Variants in TIAM2 observed in about 807,000 individuals in gnomAD.
The protein encoded by TIAM2 is rho guanine nucleotide exchange factor TIAM2.
A neutral mutation model predicts 152.9 loss-of-function variants in TIAM2; 80 were observed. The ratio of observed to expected loss-of-function variants is 0.52; its 90% CI spans 0.44 to 0.63. TIAM2 has a LOEUF of 0.63. Among genes scored for constraint, TIAM2 ranks in the 30% least tolerant of loss-of-function variants. The pLI, the probability that TIAM2 is intolerant of heterozygous loss-of-function variation, is 0.00. For missense variants in TIAM2, 1,965 were observed against 2,120.1 expected (o/e 0.93, Z 1.44); for synonymous variants, 804 against 838.0 (o/e 0.96, Z 0.70).
intron 1 of TIAM2, among the ~76,000 whole-genome samples, chr6:155,023,051 TTTTTTTTTTC>T (rs78365362): frequency 0.5 from 74,525 of 149,380 alleles, 19,234 homozygotes; most frequent in East Asian, 0.57. Flanking sequence ...TGTTTTTTTT[TTTTTTTTTTC>T]CCTTGGCAAG....
intron 1 of TIAM2, among the ~76,000 whole-genome samples, chr6:155,049,131 C>T (rs1343249444): frequency 2.0e-5 from 3 of 152,096 alleles, no homozygotes; most frequent in Non-Finnish European, 4.4e-5. Flanking sequence ...GAGCACGGCC[C>T]CTGTTTAAAC....
chr6:155,166,698 T>C (rs902457218), intron 9 of TIAM2, among the ~76,000 whole-genome samples: 2 of 152,246 alleles, frequency 1.3e-5, no homozygotes, highest in African/African-American at 4.8e-5. Context: ...GTAAATTGTT[T>C]TCAAAACATT....
intron 2 of TIAM2, among the ~76,000 whole-genome samples, chr6:155,116,764 C>T (rs560127143): frequency 6.6e-6 from 1 of 152,226 alleles, no homozygotes; most frequent in East Asian, 1.9e-4. Context: ...GAAGTGCTTA[C>T]CCAGGCCTAA....
intron 1 of TIAM2, among the ~76,000 whole-genome samples, chr6:155,008,595 A>T (rs1441932735): frequency 2.0e-5 from 3 of 149,860 alleles, no homozygotes; most frequent in East Asian, 2.0e-4. Flanking sequence ...TCTGGAAATA[A>T]TTTTTTTTTT....
At chr6:155,225,212 T>C (rs2115251854) in intron 15 of TIAM2, among the ~76,000 whole-genome samples, 1 of 152,314 alleles carries the variant, frequency 6.6e-6, no homozygotes, top group East Asian at 1.9e-4. Flanking sequence ...CACCTCGGCC[T>C]CCCAAAGTGC....
chr6:155,014,442 G>A (rs1013188732), intron 1 of TIAM2, among the ~76,000 whole-genome samples: 7 of 152,050 alleles, frequency 4.6e-5, no homozygotes, highest in African/African-American at 7.2e-5. Context: ...TTAGTTCACC[G>A]TAGTGCTTTT....
chr6:155,071,193 C>T (rs1331714343), intron 1 of TIAM2, among the ~76,000 whole-genome samples: 1 of 151,768 alleles, frequency 6.6e-6, no homozygotes, highest in African/African-American at 2.4e-5. Flanking sequence ...AAAAAAGACA[C>T]ATATTTAGAG....
intron 1 of TIAM2, among the ~76,000 whole-genome samples, chr6:155,045,050 CTT>C (rs200620585): frequency 6.1e-5 from 8 of 132,030 alleles, no homozygotes; most frequent in Non-Finnish European, 8.1e-5. Flanking sequence ...TTTTCTTTTT[CTT>C]TTTTTTTTTT....
chr6:155,216,567 G>C (rs1781866412), intron 15 of TIAM2: 1 of 153,110 alleles, frequency 6.5e-6, no homozygotes, highest in Non-Finnish European at 1.5e-5. Flanking sequence ...TGTAGGGGGG[G>C]ATTTTTTTCC....
At chr6:155,237,467 C>T (rs532674707) in intron 15 of TIAM2, among the ~76,000 whole-genome samples, 7 of 152,352 alleles carry the variant, frequency 4.6e-5, no homozygotes, top group East Asian at 3.9e-4. Flanking sequence ...CTCCACTAGG[C>T]GGTGCCCCAG....
At chr6:155,188,188 T>C (rs1358254614) in intron 14 of TIAM2, among the ~76,000 whole-genome samples, 1 of 152,198 alleles carries the variant, frequency 6.6e-6, no homozygotes, top group Non-Finnish European at 1.5e-5. Flanking sequence ...CCTCGTGCGC[T>C]CAGAATGCAG....
rs1221087458 is a variant in TIAM2 at position 155,079,113 on chromosome 6, G to T, written c.-208-11176G>T. 2.0e-5 allele frequency among the ~76,000 whole-genome samples: 3 copies of T among 151,952 alleles called. No homozygotes were observed. The South Asian group carries it at 6.2e-4, about 32-fold the overall frequency. On this transcript the variant is annotated intron_variant, in intron 1 of 26. Coordinates refer to ENST00000682666, the MANE Select transcript of TIAM2 (RefSeq NM_012454.4). ...GTCTTTCTCTCTTGCCCAGGCTGGA[G>T]TGCAGTGGTGCGATCTCGGCTCACT...
chr6:155,222,931 T>G (rs539568788), intron 15 of TIAM2, among the ~76,000 whole-genome samples: 25 of 152,216 alleles, frequency 1.6e-4, no homozygotes, highest in Non-Finnish European at 3.4e-4. Context: ...TCATTGAAGC[T>G]AAAACCTGTA....
Position 155,047,589 on chromosome 6 carries a change from T to G in TIAM2, c.-208-42700T>G, listed in dbSNP as rs377550892. Among the ~76,000 whole-genome samples, 12 of 151,294 alleles carry G rather than the reference T, an allele frequency of 7.9e-5. No individual in the cohort carries two copies. The South Asian group carries it at 1.5e-3, about 18-fold the overall frequency. ...AAACCTTTGGAAAAGCCCATTGATG[T>G]CTTGAAACACCCTGTTTAAAGAGGA... is the stretch of plus-strand genomic sequence containing the variant. On this transcript the variant is annotated intron_variant, in intron 1 of 26. Coordinates refer to ENST00000682666, the MANE Select transcript of TIAM2 (RefSeq NM_012454.4).
chr6:155,077,011 T>G (rs1777977368), intron 1 of TIAM2, among the ~76,000 whole-genome samples: 2 of 152,326 alleles, frequency 1.3e-5, no homozygotes, highest in South Asian at 4.1e-4. Flanking sequence ...TCATATCCTT[T>G]TCTACAAATT....
At chr6:155,027,963 CTATA>C (rs796587103) in intron 1 of TIAM2, among the ~76,000 whole-genome samples, 1 of 119,218 alleles carries the variant, frequency 8.4e-6, no homozygotes, top group Non-Finnish European at 1.6e-5. Flanking sequence ...TACATATATA[CTATA>C]TATAATATAT....
chr6:155,000,700 T>A (rs1778298155), intron 1 of TIAM2, among the ~76,000 whole-genome samples: 1 of 151,956 alleles, frequency 6.6e-6, no homozygotes, highest in Non-Finnish European at 1.5e-5. Context: ...TGAAACCAGT[T>A]CCGTTCAGGC....
intron 15 of TIAM2, among the ~76,000 whole-genome samples, chr6:155,230,239 T>A (rs1481783459): frequency 6.6e-6 from 1 of 152,226 alleles, no homozygotes; most frequent in Non-Finnish European, 1.5e-5. Flanking sequence ...CACCACCTCA[T>A]GCCCCTCGTC....
rs6928322 is a variant in TIAM2, at chr6:155,059,118, A to G, written c.-208-31171A>G. Among the ~76,000 whole-genome samples, 95 of 152,318 alleles carry G rather than the reference A, an allele frequency of 6.2e-4. 1 individual carries two copies. Among genetic ancestry groups the G allele is most frequent in the African/African-American group, 2.0e-3 (84 of 41,570 alleles). ...TATTTGGACTTTCCCCAGTTTTTCC[A>G]CTAATGTAGGTTTTCTGTTCTAAGA... On this transcript the variant is annotated intron_variant, in intron 1 of 26. Coordinates refer to ENST00000682666, the MANE Select transcript of TIAM2 (RefSeq NM_012454.4).
Sources: gnomAD v4.1 joint callset for allele counts (sites outside exome capture counted in the v4.1 genomes callset) on GRCh38, gnomAD v4.1.1 for gene constraint, MANE v1.5 for transcripts, NCBI Gene and HGNC (gene_info 2026-07-23, HGNC 2026-07-21) for gene names.